GALNTL6: variants seen among roughly 807,000 people sequenced by gnomAD.
GALNTL6 encodes the protein polypeptide N-acetylgalactosaminyltransferase-like 6.
In GALNTL6, 46 loss-of-function variants were observed where a neutral mutation model predicts 73.7. That is an observed-to-expected ratio of 0.62 (90% CI 0.49 to 0.80). The LOEUF (loss-of-function observed/expected upper bound fraction) is 0.80, where lower values mean the gene tolerates loss of function less well. Ranked by LOEUF, GALNTL6 falls within the 30% of genes least tolerant of loss-of-function variation. GALNTL6 has a pLI of 0.00. For synonymous variants in GALNTL6, 259 were observed against 263.7 expected (o/e 0.98, Z 0.17); for missense variants, 604 against 755.0 (o/e 0.80, Z 2.34).
chr4:172,263,737 CTTATT>C (rs1214807049), intron 3 of GALNTL6, among the ~76,000 whole-genome samples: 2 of 150,888 alleles, frequency 1.3e-5, no homozygotes, highest in African/African-American at 2.4e-5. Context: ...TTTTTATTTT[CTTATT>C]TTAAAGTTTC....
At chr4:171,911,887 T>G (rs186040466) in intron 2 of GALNTL6, among the ~76,000 whole-genome samples, 2 of 152,306 alleles carry the variant, frequency 1.3e-5, no homozygotes, top group African/African-American at 4.8e-5. Flanking sequence ...AAATTGATGA[T>G]TGACTTAAAA....
rs149655295 is a variant in GALNTL6 at position 172,369,654 on chromosome 4, G to A, written c.553+20965G>A. ...GAGGCCCGGTGAGAATTTGAGCGTG[G>A]CATGGGCAGGCCGGCAGTGCTGGGT... On this transcript the variant is annotated intron_variant, in intron 5 of 12. Transcript: ENST00000506823. Among the ~76,000 whole-genome samples, 181 of 152,334 alleles carry A rather than the reference G, an allele frequency of 1.2e-3. 2 individuals carry two copies. The East Asian group carries it at 0.02, about 17-fold the overall frequency.
At chr4:172,600,366 C>G (rs930359017) in intron 5 of GALNTL6, among the ~76,000 whole-genome samples, 1 of 152,044 alleles carries the variant, frequency 6.6e-6, no homozygotes, top group African/African-American at 2.4e-5. Flanking sequence ...TTCTCTCTGC[C>G]TAGAGACATA....
intron 5 of GALNTL6, among the ~76,000 whole-genome samples, chr4:172,465,990 A>G (rs1732801401): frequency 6.6e-6 from 1 of 152,158 alleles, no homozygotes; most frequent in Non-Finnish European, 1.5e-5. Context: ...CAAATTTTCG[A>G]GTGTCTTCAT....
intron 3 of GALNTL6, among the ~76,000 whole-genome samples, chr4:172,283,572 C>T (rs996362469): frequency 1.1e-4 from 16 of 152,024 alleles, no homozygotes; most frequent in South Asian, 2.1e-4. Flanking sequence ...GAAGTAGAAA[C>T]TAGCACAAAG....
At chr4:171,908,123 A>C (rs1326808382) in intron 2 of GALNTL6, among the ~76,000 whole-genome samples, 2 of 152,250 alleles carry the variant, frequency 1.3e-5, no homozygotes, top group Non-Finnish European at 2.9e-5. Context: ...AGCAATGGCA[A>C]CCAAAGCCAA....
intron 10 of GALNTL6, among the ~76,000 whole-genome samples, chr4:172,976,482 C>T (rs1329977744): frequency 6.6e-6 from 1 of 152,166 alleles, no homozygotes; most frequent in Middle Eastern, 3.2e-3. Flanking sequence ...CCCAGAAGTA[C>T]AGTACGTGGG....
At chr4:172,811,148 A>G (rs147039122) in intron 6 of GALNTL6, among the ~76,000 whole-genome samples, 23 of 152,326 alleles carry the variant, frequency 1.5e-4, no homozygotes, top group African/African-American at 5.3e-4. Flanking sequence ...AAACAGGCAG[A>G]GCCACACAGT....
At chr4:172,262,906 G>A (rs1467153916) in intron 3 of GALNTL6, among the ~76,000 whole-genome samples, 2 of 151,362 alleles carry the variant, frequency 1.3e-5, no homozygotes, top group African/African-American at 2.4e-5. Flanking sequence ...CAAAATTCTT[G>A]GCTGACAATT....
chr4:172,659,798 G>T (rs1023703871), intron 5 of GALNTL6, among the ~76,000 whole-genome samples: 10 of 152,170 alleles, frequency 6.6e-5, no homozygotes, highest in African/African-American at 1.9e-4. Context: ...AAAGGCCTTA[G>T]TAGCAGAGCT....
chr4:171,884,514 T>C (rs1030333570), intron 2 of GALNTL6, among the ~76,000 whole-genome samples: 1 of 151,612 alleles, frequency 6.6e-6, no homozygotes, highest in African/African-American at 2.4e-5. Context: ...ATTACTTAAA[T>C]TTAAGATATA....
intron 5 of GALNTL6, among the ~76,000 whole-genome samples, chr4:172,453,910 C>T (rs1285499106): frequency 6.6e-6 from 1 of 151,992 alleles, no homozygotes; most frequent in Non-Finnish European, 1.5e-5. Context: ...GAAAACATGC[C>T]CCATTCGTAA....
intron 2 of GALNTL6, among the ~76,000 whole-genome samples, chr4:172,153,219 A>C (rs1440856981): frequency 6.6e-6 from 1 of 152,180 alleles, no homozygotes; most frequent in Non-Finnish European, 1.5e-5. Context: ...AAGAGCGGAA[A>C]CTCGTAGTAA....
At chr4:171,954,747 A>G (rs495653) in intron 2 of GALNTL6, among the ~76,000 whole-genome samples, 145,262 of 152,174 alleles carry the variant, frequency 0.95, 69,598 homozygotes, top group Non-Finnish European at 1. Flanking sequence ...GTGGAGGGGC[A>G]TGGTGAGAGG....
At chr4:172,364,592 T>C (rs775912408) in intron 5 of GALNTL6, among the ~76,000 whole-genome samples, 2 of 152,224 alleles carry the variant, frequency 1.3e-5, no homozygotes, top group African/African-American at 2.4e-5. Context: ...TGAAAAAAGA[T>C]AACATTTCTT....
chr4:171,924,161 T>A lies in GALNTL6; in HGVS notation c.138+109443T>A, dbSNP rs191458109. 3.4e-3 allele frequency among the ~76,000 whole-genome samples: 487 copies of A among 142,224 alleles called. 3 individuals carry two copies. The highest frequency in any genetic ancestry group is 0.013 in the African/African-American group (466 of 37,280). The allele number at this position is 142,224 out of a possible 152,430, so 93.3% of individuals were successfully genotyped here. ...AAAAGAACTAAACACATAAATTGGT[T>A]AAAAAAAATACACCACACACATACA... On this transcript the variant is annotated intron_variant, in intron 2 of 12. Coordinates refer to ENST00000506823, the MANE Select transcript of GALNTL6 (RefSeq NM_001034845.3).
chr4:172,793,241 T>A (rs570459616), intron 5 of GALNTL6, among the ~76,000 whole-genome samples: 2 of 152,328 alleles, frequency 1.3e-5, no homozygotes, highest in South Asian at 4.1e-4. Context: ...ATTATTTTAT[T>A]CTCATCTTAA....
intron 2 of GALNTL6, among the ~76,000 whole-genome samples, chr4:172,035,430 C>T (rs963750103): frequency 4.0e-5 from 6 of 151,850 alleles, no homozygotes; most frequent in Middle Eastern, 3.2e-3. Context: ...CTATTACTAA[C>T]ACCTAGAATA....
intron 11 of GALNTL6, among the ~76,000 whole-genome samples, chr4:173,014,730 C>T (rs1264369268): frequency 6.6e-6 from 1 of 152,144 alleles, no homozygotes; most frequent in Non-Finnish European, 1.5e-5. Flanking sequence ...ATATTTTCTG[C>T]TGTCTCAAGT....
Sources: allele counts gnomAD v4.1 joint callset (sites outside exome capture counted in the v4.1 genomes callset), GRCh38; gene constraint gnomAD v4.1.1; transcripts MANE v1.5; gene names NCBI Gene and HGNC (gene_info 2026-07-23, HGNC 2026-07-21).